The following ZNF33A variants were observed in gnomAD, a reference collection of about 807,000 sequenced individuals.
The protein encoded by ZNF33A is zinc finger protein 33A, also known as brain my041 protein.
Under a neutral mutation model 15.9 loss-of-function variants are expected in ZNF33A, and 9 were observed. The observed-to-expected ratio is 0.57, with a 90% CI of 0.34 to 0.99. ZNF33A has a LOEUF of 0.99. Among genes scored for constraint, ZNF33A ranks in the 50% least tolerant of loss-of-function variants. ZNF33A has a pLI of 0.02. For missense variants in ZNF33A, 843 were observed against 941.6 expected (o/e 0.90, Z 1.37); for synonymous variants, 294 against 324.2 (o/e 0.91, Z 1.00).
intron 4 of ZNF33A, among the ~76,000 whole-genome samples, chr10:38,030,238 A>G (rs1475379228): frequency 6.6e-6 from 1 of 152,228 alleles, no homozygotes; most frequent in East Asian, 1.9e-4. Context: ...GTCAATCACT[A>G]GTTGCACTGT....
intron 4 of ZNF33A, among the ~76,000 whole-genome samples, chr10:38,028,216 C>G (rs532522451): frequency 6.6e-6 from 1 of 151,972 alleles, no homozygotes; most frequent in African/African-American, 2.4e-5. Context: ...TGCAGTGAGT[C>G]ATGTTTGTGT....
At chr10:38,029,173 T>G (rs1053785548) in intron 4 of ZNF33A, among the ~76,000 whole-genome samples, 1 of 152,326 alleles carries the variant, frequency 6.6e-6, no homozygotes, top group East Asian at 1.9e-4. Context: ...TCCTCCAGAT[T>G]AGAGTCTAGT....
chr10:38,010,569 G>C (rs917223371), upstream of ZNF33A: 28 of 849,106 alleles, frequency 3.3e-5, no homozygotes, highest in African/African-American at 3.3e-4. Context: ...AATCCGAAGG[G>C]CTGCTCGCCC....
At chr10:38,052,032 G>A (rs1280318543) in intron 4 of ZNF33A, among the ~76,000 whole-genome samples, 4 of 152,046 alleles carry the variant, frequency 2.6e-5, no homozygotes, top group African/African-American at 9.7e-5. Context: ...GTATATAATT[G>A]TGAACAACGG....
intron 4 of ZNF33A, among the ~76,000 whole-genome samples, chr10:38,033,749 G>A (rs983998229): frequency 6.7e-6 from 1 of 149,432 alleles, no homozygotes; most frequent in African/African-American, 2.5e-5. Context: ...GTCTCGCTCT[G>A]TTTGCCCAGG....
rs1409031630 is a variant in ZNF33A, at chr10:38,055,181, G to A, written c.1057G>A (p.Gly353Arg). 2.5e-6 allele frequency: 4 copies of A among 1,613,998 alleles called. No homozygotes were observed. Among genetic ancestry groups the A allele is most frequent in the Non-Finnish European group, 3.4e-6 (4 of 1,179,992 alleles). ...HLTRHQRVHT[G>R]QKPFQCNECE... ...CACTCGACATCAGAGGGTGCACACA[G>A]GACAGAAACCCTTTCAATGTAATGA... Residue 353 changes from glycine to arginine, a missense_variant, in exon 5 of 5, where the codon GGA becomes AGA. Coordinates refer to ENST00000432900, the MANE Select transcript of ZNF33A (RefSeq NM_006954.2).
At chr10:38,019,047 C>T (rs1233359133) in intron 4 of ZNF33A, among the ~76,000 whole-genome samples, 1 of 151,264 alleles carries the variant, frequency 6.6e-6, no homozygotes, top group Admixed American at 6.6e-5. Context: ...AGGTTTGTTA[C>T]ATATGTATAC....
intron 1 of ZNF33A, among the ~76,000 whole-genome samples, chr10:38,010,988 C>A (rs1266490792): frequency 6.6e-6 from 1 of 152,200 alleles, no homozygotes; most frequent in East Asian, 1.9e-4. Context: ...GGGTACGCAG[C>A]GTGTGTCGCC....
In ZNF33A at chr10:38,055,828, C is replaced by G. The variant is rs1350386490; in HGVS notation, c.1704C>G (p.Leu568=). 2 of 1,614,014 alleles carry G rather than the reference C, an allele frequency of 1.2e-6. No individual in the cohort carries two copies. The highest frequency in any genetic ancestry group is 1.7e-6 in the Non-Finnish European group (2 of 1,179,976). Residue 568 remains leucine, a synonymous_variant, in exon 5 of 5, where the codon CTC becomes CTG. Coordinates refer to ENST00000432900, the MANE Select transcript of ZNF33A (RefSeq NM_006954.2). The part of the protein sequence containing the change: ...CGKFFSHKST[L]SQHYRTHTGE... ...AATTCTTTAGCCATAAGTCAACCCTCTCTCAACATTATAGAACACACACAG... is the reference window on the plus strand; with the variant it reads ...AATTCTTTAGCCATAAGTCAACCCTGTCTCAACATTATAGAACACACACAG...
intron 4 of ZNF33A, among the ~76,000 whole-genome samples, chr10:38,024,605 G>A (rs1390960458): frequency 6.6e-6 from 1 of 152,140 alleles, no homozygotes; most frequent in Non-Finnish European, 1.5e-5. Context: ...GAAACAATTT[G>A]GGAAAATTTT....
At chr10:38,047,901 TAAAATG>T (rs1279545601) in intron 4 of ZNF33A, among the ~76,000 whole-genome samples, 2 of 152,108 alleles carry the variant, frequency 1.3e-5, no homozygotes, top group African/African-American at 4.8e-5. Context: ...AAATCAGTGT[TAAAATG>T]AAATCCTCAA....
At position 38,047,193 on chromosome 10, in the gene ZNF33A, A is replaced by C. The variant is rs1180342347; in HGVS notation, c.251-7182A>C. ...GACCGTCTCCCCCCACCCCTGCCAA[A>C]AAAAAAAAAAAAAAAAAAAAGAATA... On this transcript the variant is annotated intron_variant, in intron 4 of 4. Transcript: ENST00000432900. Among the ~76,000 whole-genome samples, 963 of 101,230 alleles carry C rather than the reference A, an allele frequency of 9.5e-3. 10 individuals carry two copies. The highest frequency in any genetic ancestry group is 0.031 in the African/African-American group (933 of 29,754). 66.4% of individuals were successfully genotyped at this position (101,230 alleles called of 152,430 possible).
intron 4 of ZNF33A, among the ~76,000 whole-genome samples, chr10:38,045,049 G>A (rs985492598): frequency 3.9e-5 from 6 of 152,152 alleles, no homozygotes; most frequent in East Asian, 3.8e-4. Flanking sequence ...GTTGCCTGTC[G>A]TTTTTCCTGT....
chr10:38,050,540 T>C (rs1183631396), intron 4 of ZNF33A, among the ~76,000 whole-genome samples: 2 of 152,224 alleles, frequency 1.3e-5, no homozygotes, highest in African/African-American at 2.4e-5. Flanking sequence ...CTGGACTATG[T>C]GTGCAAGTAG....
chr10:38,064,655 T>TG, downstream of ZNF33A: 1 of 152,480 alleles, frequency 6.6e-6, no homozygotes, highest in Middle Eastern at 3.4e-3. Context: ...AAAGGGTGTG[T>TG]GTCCACTCTT....
chr10:38,042,021 G>T (rs2065723029), intron 4 of ZNF33A, among the ~76,000 whole-genome samples: 1 of 152,052 alleles, frequency 6.6e-6, no homozygotes, highest in Non-Finnish European at 1.5e-5. Context: ...GTGTTCATGT[G>T]TTGATGTCTT....
upstream of ZNF33A, chr10:38,010,659 C>T (rs757000570): frequency 5.1e-6 from 8 of 1,563,604 alleles, no homozygotes; most frequent in Admixed American, 1.7e-5. Context: ...ATGCCTCGTC[C>T]GCCGGCTACG....
chr10:38,045,166 T>G (rs2065895627), intron 4 of ZNF33A, among the ~76,000 whole-genome samples: 1 of 152,232 alleles, frequency 6.6e-6, no homozygotes, highest in Non-Finnish European at 1.5e-5. Flanking sequence ...GGTTCCTCTA[T>G]TCTCTCTAGG....
At chr10:38,040,128 AAT>A (rs2065630712) in intron 4 of ZNF33A, among the ~76,000 whole-genome samples, 1 of 151,690 alleles carries the variant, frequency 6.6e-6, no homozygotes. Context: ...TTAACTTCGG[AAT>A]ATGTTATATA....
Sources: gnomAD v4.1 joint callset for allele counts (sites outside exome capture counted in the v4.1 genomes callset) on GRCh38, gnomAD v4.1.1 for gene constraint, MANE v1.5 for transcripts, NCBI Gene and HGNC (gene_info 2026-07-23, HGNC 2026-07-21) for gene names.